Variants in CNTN6 observed in about 807,000 individuals in gnomAD.
CNTN6 encodes the protein contactin 6, also known as contactin-6.
CNTN6 carries 137 observed loss-of-function variants against 122.8 expected under a neutral mutation model. The observed-to-expected ratio is 1.12, with a 90% CI of 0.97 to 1.29. The LOEUF is 1.29. CNTN6 is among the 50% of genes most tolerant of loss of function. CNTN6 has a pLI of 0.00. For missense variants in CNTN6, 1,634 were observed against 1,223.4 expected, an observed-to-expected ratio of 1.34 and a Z score of -5.01; for synonymous variants, 570 against 426.0, an observed-to-expected ratio of 1.34 and a Z score of -4.16.
intron 4 of CNTN6, among the ~76,000 whole-genome samples, chr3:1,236,323 CAG>C (rs1314275820): frequency 6.6e-6 from 1 of 152,120 alleles, no homozygotes; most frequent in African/African-American, 2.4e-5. Context: ...AGGACCCTCA[CAG>C]AGTTCACTTC....
chr3:1,227,619 T>A lies in CNTN6; in HGVS notation c.183-199T>A, dbSNP rs28715979. ...GTGAATGTAACTTATAAAGAGTACA[T>A]CTTTCAAATAATCTAGTTACTGATC... On this transcript the variant is annotated intron_variant, in intron 3 of 22. Coordinates refer to ENST00000446702, the MANE Select transcript of CNTN6 (RefSeq NM_001289080.2). Among the ~76,000 whole-genome samples, 1,052 of 152,266 alleles carry A rather than the reference T, an allele frequency of 6.9e-3. 12 individuals carry two copies. The highest frequency in any genetic ancestry group is 0.024 in the African/African-American group (985 of 41,550).
At chr3:1,181,655 G>A (rs113409895) in intron 2 of CNTN6, among the ~76,000 whole-genome samples, 459 of 152,210 alleles carry the variant, frequency 3.0e-3, no homozygotes, top group Non-Finnish European at 5.7e-3. Context: ...CAGTTGGAAA[G>A]GTGACCTCTT....
chr3:1,215,442 C>T (rs1184095404), intron 2 of CNTN6, among the ~76,000 whole-genome samples: 2 of 152,106 alleles, frequency 1.3e-5, no homozygotes, highest in African/African-American at 4.8e-5. Flanking sequence ...CTTGCCTATT[C>T]CAATTGATTT....
At chr3:1,184,525 G>T (rs9854953) in intron 2 of CNTN6, among the ~76,000 whole-genome samples, 1 of 152,122 alleles carries the variant, frequency 6.6e-6, no homozygotes, top group African/African-American at 2.4e-5. Flanking sequence ...ACTAAATTGT[G>T]GATATTTGTC....
intron 4 of CNTN6, among the ~76,000 whole-genome samples, chr3:1,269,415 C>G (rs1307175431): frequency 6.6e-6 from 1 of 152,186 alleles, no homozygotes. Context: ...TTGCCTTTTA[C>G]TAGTTAAGTA....
intron 2 of CNTN6, among the ~76,000 whole-genome samples, chr3:1,195,531 A>T (rs1452831931): frequency 6.6e-6 from 1 of 152,180 alleles, no homozygotes; most frequent in Non-Finnish European, 1.5e-5. Flanking sequence ...CTGTGAAAAC[A>T]CTACCAAACT....
In CNTN6 at chr3:1,278,416, T is replaced by C. The variant is rs748853085; in HGVS notation, c.362T>C (p.Ile121Thr). The C allele has an allele frequency of 6.3e-7, 1 of 1,596,718 alleles. No homozygotes were observed. The highest frequency in any genetic ancestry group is 8.6e-7 in the Non-Finnish European group (1 of 1,168,098). ...SRKAKLQFAY[I>T]EDFETKTRST... ...CTGCTTTTCTTTGTTTTCCAAGATA[T>C]TGAAGACTTTGAAACTAAAACAAGA... is the stretch of plus-strand genomic sequence containing the variant. The change falls in exon 5 of 23, where the codon ATT becomes ACT. Residue 121 changes from isoleucine (I) to threonine (T), a missense_variant. By Grantham distance (89) the Ile-to-Thr change is moderately conservative (BLOSUM62 -1). Coordinates refer to ENST00000446702, the MANE Select transcript of CNTN6 (RefSeq NM_001289080.2).
chr3:1,280,388 G>A (rs1559694665), intron 5 of CNTN6, among the ~76,000 whole-genome samples: 2 of 147,476 alleles, frequency 1.4e-5, no homozygotes, highest in East Asian at 4.0e-4. Flanking sequence ...TACAAAAACT[G>A]CCTTAAATTA....
At chr3:1,246,096 C>CA (rs1301976785) in intron 4 of CNTN6, among the ~76,000 whole-genome samples, 3 of 151,906 alleles carry the variant, frequency 2.0e-5, no homozygotes, top group African/African-American at 4.8e-5. Flanking sequence ...CAGAAAAGTA[C>CA]AAAAAACATG....
chr3:1,160,707 TC>T (rs2093113393), intron 2 of CNTN6, among the ~76,000 whole-genome samples: 1 of 151,624 alleles, frequency 6.6e-6, no homozygotes, highest in Admixed American at 6.6e-5. Flanking sequence ...CCATTAGGCT[TC>T]CATAGAATTT....
Position 1,227,840 on chromosome 3 carries a change from A to T in CNTN6, c.205A>T (p.Ile69Phe). 6.2e-7 allele frequency: 1 copy of T among 1,613,820 alleles called. No individual in the cohort carries two copies. The highest frequency in any genetic ancestry group is 8.5e-7 in the Non-Finnish European group (1 of 1,179,926). ...AAGGTGGAAGCAAAATGGCACAGAC[A>T]TTGATTTTACTATGAGTTATCACTA... ...HYRWKQNGTD[I>F]DFTMSYHYRL... The change falls in exon 4 of 23, where the codon ATT becomes TTT. Residue 69 changes from isoleucine to phenylalanine, a missense_variant. Transcript: ENST00000446702.
intron 4 of CNTN6, among the ~76,000 whole-genome samples, chr3:1,230,039 A>T (rs1172351704): frequency 6.6e-6 from 1 of 152,118 alleles, no homozygotes; most frequent in East Asian, 1.9e-4. Flanking sequence ...ACAGAGAGTA[A>T]AGGGTATAAA....
chr3:1,387,931 ATTGC>A (rs1560005070), intron 20 of CNTN6, among the ~76,000 whole-genome samples: 1 of 152,052 alleles, frequency 6.6e-6, no homozygotes, highest in Non-Finnish European at 1.5e-5. Context: ...AATCTCGCTG[ATTGC>A]TAGCACAGCA....
rs140553752 is a variant in CNTN6 at position 1,319,008 on chromosome 3, G to A, written c.762-2642G>A. 2.6e-5 allele frequency among the ~76,000 whole-genome samples: 4 copies of A among 151,622 alleles called. No individual in the cohort carries two copies. In the South Asian group the frequency reaches 8.3e-4, roughly 32 times the overall value. On this transcript the variant is annotated intron_variant, in intron 7 of 22. Coordinates refer to ENST00000446702, the MANE Select transcript of CNTN6 (RefSeq NM_001289080.2). ...ATCTAAATAGGAGACTCCATTTCTTGTATCAAAGGGAAAAAATGCTTGTCC... is the reference window on the plus strand; with the variant it reads ...ATCTAAATAGGAGACTCCATTTCTTATATCAAAGGGAAAAAATGCTTGTCC...
At chr3:1,330,684 C>G (rs966848311) in intron 11 of CNTN6, among the ~76,000 whole-genome samples, 1 of 151,774 alleles carries the variant, frequency 6.6e-6, no homozygotes, top group African/African-American at 2.4e-5. Flanking sequence ...GAAAATAGTC[C>G]CTTTCGTTCA....
chr3:1,357,306 A>G (rs269672), intron 12 of CNTN6, among the ~76,000 whole-genome samples: 103,464 of 151,710 alleles, frequency 0.68, 36,590 homozygotes, highest in African/African-American at 0.87. Flanking sequence ...AGTGGTCAAT[A>G]CACAGCCTCT....
At chr3:1,153,373 C>G (rs933685649) in intron 2 of CNTN6, among the ~76,000 whole-genome samples, 1 of 152,168 alleles carries the variant, frequency 6.6e-6, no homozygotes, top group Non-Finnish European at 1.5e-5. Context: ...GAAGAATAAA[C>G]TGAGACTCAA....
intron 2 of CNTN6, among the ~76,000 whole-genome samples, chr3:1,217,772 G>A (rs2094148486): frequency 2.0e-5 from 3 of 152,194 alleles, no homozygotes; most frequent in Admixed American, 2.0e-4. Flanking sequence ...TCTCCAGTAA[G>A]GAAGCATGGA....
intron 17 of CNTN6, 74 bp from the exon 18 acceptor site, chr3:1,382,868 T>TAATC (rs1046247910): frequency 3.0e-6 from 3 of 985,370 alleles, no homozygotes; most frequent in African/African-American, 1.6e-5. Flanking sequence ...AAATGTGAAA[T>TAATC]AATCAATAAA....
Sources: allele counts gnomAD v4.1 joint callset (sites outside exome capture counted in the v4.1 genomes callset), GRCh38; gene constraint gnomAD v4.1.1; transcripts MANE v1.5; gene names NCBI Gene and HGNC (gene_info 2026-07-23, HGNC 2026-07-21).